The following SNX25 variants were observed in gnomAD, a reference collection of about 807,000 sequenced individuals.
SNX25 encodes the protein sorting nexin-25.
Under a neutral mutation model 113.7 loss-of-function variants are expected in SNX25, and 62 were observed. The observed-to-expected ratio is 0.55, with a 90% CI of 0.44 to 0.67. The LOEUF (loss-of-function observed/expected upper bound fraction) is 0.67, where lower values mean the gene tolerates loss of function less well. SNX25 is among the 30% of genes least tolerant of loss of function. The pLI, the probability that SNX25 is intolerant of heterozygous loss-of-function variation, is 0.00. For missense variants in SNX25, 1,014 were observed against 1,161.0 expected (o/e 0.87, Z 1.84); for synonymous variants, 421 against 436.2 (o/e 0.97, Z 0.43).
In SNX25 at chr4:185,351,617, G is replaced by A. The variant is rs375642507; in HGVS notation, c.2466+8G>A. On this transcript the variant is annotated splice_region_variant and intron_variant, in intron 14 of 18. Transcript: ENST00000652585. ...TTCTTCTCCCACCAGGAGGTGAGCC[G>A]TTGAAAGAGTGAACCACTTTTGTAG... is the stretch of plus-strand genomic sequence containing the variant. 57 of 1,612,770 alleles carry A rather than the reference G, an allele frequency of 3.5e-5. No individual in the cohort carries two copies. Among genetic ancestry groups the A allele is most frequent in the Non-Finnish European group, 4.4e-5 (52 of 1,179,510 alleles).
chr4:185,367,662 C>A (rs913935677), downstream of SNX25, among the ~76,000 whole-genome samples: 1 of 152,116 alleles, frequency 6.6e-6, no homozygotes, highest in Non-Finnish European at 1.5e-5. Context: ...TAAATAGTGA[C>A]AAGGTGCATA....
downstream of SNX25, among the ~76,000 whole-genome samples, chr4:185,375,148 C>T (rs1420201517): frequency 2.6e-5 from 4 of 151,302 alleles, no homozygotes; most frequent in Non-Finnish European, 4.4e-5. Context: ...GAGTCTTGCT[C>T]TGTCACCCAG....
rs573796660 is a variant in SNX25, at chr4:185,239,487, G to GA, written c.430-7799dup. On this transcript the variant is annotated intron_variant, in intron 1 of 18. Transcript: ENST00000652585. Reference sequence around the variant, plus strand: ...ACAGAGTGAGACTCCGTCTCAAAAAGAAAAAAAATAAAAGCTTTCAAGTTT... The same window carrying GA: ...ACAGAGTGAGACTCCGTCTCAAAAAGAAAAAAAAATAAAAGCTTTCAAGTTT... 3.1e-3 allele frequency among the ~76,000 whole-genome samples: 470 copies of GA among 151,330 alleles called. 2 individuals carry two copies. The highest frequency in any genetic ancestry group is 5.1e-3 in the Non-Finnish European group (345 of 67,770).
downstream of SNX25, chr4:185,366,068 C>T (rs1490781819): frequency 6.6e-6 from 1 of 152,204 alleles, no homozygotes; most frequent in Non-Finnish European, 1.5e-5. Flanking sequence ...AATAAAGCCA[C>T]ATCCTTTAAT....
chr4:185,206,706 G>A (rs1303110322), upstream of SNX25, among the ~76,000 whole-genome samples: 1 of 149,546 alleles, frequency 6.7e-6, no homozygotes, highest in Non-Finnish European at 1.5e-5. Context: ...ACTAATCTTG[G>A]TTCAGAAAGA....
At chr4:185,236,795 T>C (rs1742714024) in intron 1 of SNX25, among the ~76,000 whole-genome samples, 1 of 148,018 alleles carries the variant, frequency 6.8e-6, no homozygotes, top group Non-Finnish European at 1.5e-5. Context: ...TTAATGCTCA[T>C]ATCAATTTTG....
At chr4:185,257,269 T>C (rs1226841506) in intron 2 of SNX25, among the ~76,000 whole-genome samples, 1 of 151,646 alleles carries the variant, frequency 6.6e-6, no homozygotes, top group Non-Finnish European at 1.5e-5. Context: ...TAGCTAAATG[T>C]TTTTCTCCCT....
At chr4:185,368,319 G>A (rs2095398891), downstream of SNX25, among the ~76,000 whole-genome samples, 1 of 152,172 alleles carries the variant, frequency 6.6e-6, no homozygotes. Context: ...CCTGCCTGAC[G>A]GTGGCAGAGC....
chr4:185,215,857 T>C (rs531305366), intron 1 of SNX25, among the ~76,000 whole-genome samples: 5 of 152,222 alleles, frequency 3.3e-5, no homozygotes, highest in African/African-American at 1.2e-4. Context: ...TGGTGCCATC[T>C]TGGCTCACTG....
Position 185,210,377 on chromosome 4 carries a change from A to G in SNX25, c.429+122A>G, listed in dbSNP as rs1038482113. ...TTGTCGAAGCGGGAAGCCGGGAGCC[A>G]GGGGGCTGGGCTGCGGGCCCGGCCG... On this transcript the variant is annotated intron_variant, in intron 1 of 18. Coordinates refer to ENST00000652585, the MANE Select transcript of SNX25 (RefSeq NM_001378034.2). The surrounding 1 kb of genome is among the most constrained non-coding windows in gnomAD (Gnocchi z 4.4). 3.3e-5 allele frequency: 32 copies of G among 974,430 alleles called. No individual in the cohort carries two copies. In the African/African-American group the frequency reaches 5.5e-4, roughly 17 times the overall value. 60.4% of individuals were successfully genotyped at this position (974,430 alleles called of 1,614,324 possible). A position where few individuals can be genotyped will look rare whatever the true frequency, so the allele number is the denominator to read the frequency against.
In SNX25 at chr4:185,350,453, C is replaced by T. The variant is rs75876686; in HGVS notation, c.2302-992C>T. On this transcript the variant is annotated intron_variant, in intron 13 of 18. Transcript: ENST00000652585. ...GTGGTCACATTGTTAATTCTGCTGT[C>T]TTACCATAGCACTTGTACATAGACA... Among the ~76,000 whole-genome samples, 1,067 of 152,292 alleles carry T rather than the reference C, an allele frequency of 7.0e-3. 13 individuals are homozygous for T. Among genetic ancestry groups the T allele is most frequent in the African/African-American group, 0.024 (992 of 41,554 alleles).
At position 185,316,288 on chromosome 4, in the gene SNX25, G is replaced by A. The variant is rs572934934; in HGVS notation, c.1345-4445G>A. On this transcript the variant is annotated intron_variant, in intron 7 of 18. Transcript: ENST00000652585. ...GAACAGTTATTATTAACAAGTCTCC[G>A]AACAACCTGGAAAGTAGATGGTATT... Among the ~76,000 whole-genome samples the A allele has an allele frequency of 2.6e-5, 4 of 152,238 alleles. No individual in the cohort carries two copies. In the South Asian group the frequency reaches 8.3e-4, roughly 32 times the overall value.
intron 9 of SNX25, among the ~76,000 whole-genome samples, chr4:185,331,915 A>G (rs576213415): frequency 2.4e-4 from 37 of 152,236 alleles, no homozygotes; most frequent in Non-Finnish European, 5.0e-4. Flanking sequence ...CCTGGAAGAA[A>G]GTTAAGGATA....
chr4:185,205,665 C>G (rs933944635), upstream of SNX25, among the ~76,000 whole-genome samples: 1 of 152,090 alleles, frequency 6.6e-6, no homozygotes, highest in African/African-American at 2.4e-5. Flanking sequence ...TCCGTCTCTA[C>G]TAAAAATACA....
chr4:185,374,765 C>G (rs1277887713), downstream of SNX25, among the ~76,000 whole-genome samples: 1 of 152,150 alleles, frequency 6.6e-6, no homozygotes, highest in African/African-American at 2.4e-5. Context: ...TCTCTCCTCC[C>G]TCCCATCTAA....
chr4:185,252,556 C>T (rs1223372422), intron 2 of SNX25, among the ~76,000 whole-genome samples: 2 of 152,020 alleles, frequency 1.3e-5, no homozygotes, highest in African/African-American at 4.8e-5. Context: ...ATTATGGTAC[C>T]ATTTTATCTT....
At chr4:185,250,153 G>T (rs1745438007) in intron 2 of SNX25, among the ~76,000 whole-genome samples, 1 of 152,182 alleles carries the variant, frequency 6.6e-6, no homozygotes, top group Non-Finnish European at 1.5e-5. Context: ...ATTTTCTGAG[G>T]ATGGATGTGT....
intron 10 of SNX25, among the ~76,000 whole-genome samples, chr4:185,339,139 A>G (rs1457968722): frequency 6.6e-6 from 1 of 152,102 alleles, no homozygotes; most frequent in Non-Finnish European, 1.5e-5. Flanking sequence ...AGTCTCTTTC[A>G]TCAGTGTTTT....
intron 1 of SNX25, among the ~76,000 whole-genome samples, chr4:185,219,663 C>A (rs544936620): frequency 6.6e-6 from 1 of 152,324 alleles, no homozygotes; most frequent in African/African-American, 2.4e-5. Context: ...CTTCTTTTTT[C>A]TTGTGGCTTC....
Sources: allele counts gnomAD v4.1 joint callset (sites outside exome capture counted in the v4.1 genomes callset), GRCh38; gene constraint gnomAD v4.1.1; non-coding constraint Gnocchi (gnomAD v3.1); transcripts MANE v1.5; gene names NCBI Gene and HGNC (gene_info 2026-07-23, HGNC 2026-07-21).